Variants in PAWR observed in about 807,000 individuals in gnomAD.
The protein encoded by PAWR is PRKC apoptosis WT1 regulator protein.
Under a neutral mutation model 32.0 loss-of-function variants are expected in PAWR, and 23 were observed. That is an observed-to-expected ratio of 0.72 (90% CI 0.52 to 1.02). PAWR has a LOEUF of 1.02. Among genes scored for constraint, PAWR ranks in the 50% least tolerant of loss-of-function variants. The pLI, the probability that PAWR is intolerant of heterozygous loss-of-function variation, is 0.00. For missense variants in PAWR, 457 were observed against 437.7 expected (o/e 1.04, Z -0.39); for synonymous variants, 226 against 187.1 (o/e 1.21, Z -1.70).
intron 2 of PAWR, among the ~76,000 whole-genome samples, chr12:79,640,613 C>T (rs936560011): frequency 3.9e-5 from 6 of 152,064 alleles, no homozygotes; most frequent in Non-Finnish European, 5.9e-5. Context: ...TGGTGGTGTG[C>T]GCCTGTAGTC....
chr12:79,684,723 T>C (rs1476278040), intron 2 of PAWR, among the ~76,000 whole-genome samples: 1 of 152,228 alleles, frequency 6.6e-6, no homozygotes, highest in Non-Finnish European at 1.5e-5. Context: ...TATATATTCA[T>C]TTGTTCTCAA....
intron 2 of PAWR, among the ~76,000 whole-genome samples, chr12:79,655,869 G>C (rs1877068880): frequency 6.6e-6 from 1 of 152,184 alleles, no homozygotes; most frequent in Admixed American, 6.5e-5. Flanking sequence ...TCCTACCCTT[G>C]TGGGGTATAC....
At chr12:79,651,536 C>A (rs535047711) in intron 2 of PAWR, among the ~76,000 whole-genome samples, 2 of 152,230 alleles carry the variant, frequency 1.3e-5, no homozygotes, top group East Asian at 1.9e-4. Flanking sequence ...GATGATCAGG[C>A]TATTCCCCTA....
intron 2 of PAWR, among the ~76,000 whole-genome samples, chr12:79,669,757 G>A (rs1420432572): frequency 2.9e-4 from 44 of 151,686 alleles, no homozygotes; most frequent in Non-Finnish European, 1.0e-4. Flanking sequence ...TTTTAAGACA[G>A]TCTCTTGTTC....
rs1181267068 is a variant in PAWR at position 79,586,857 on chromosome 12, A to G, written c.*5750T>C. 6.6e-6 allele frequency: 1 copy of G among 152,198 alleles called. No individual in the cohort carries two copies. Among genetic ancestry groups the G allele is most frequent in the Non-Finnish European group, 1.5e-5 (1 of 67,998 alleles). The allele number at this position is 152,198 out of a possible 1,614,324, so 9.4% of individuals were successfully genotyped here. ...CTTGCTAGTGTCTATCTGGTTAGAC[A>G]TCAGAATAAAATGAATGGACTGTAA... On this transcript the variant is annotated 3_prime_UTR_variant, in exon 7 of 7. Transcript: ENST00000328827.
At chr12:79,659,364 T>C (rs1000328512) in intron 2 of PAWR, among the ~76,000 whole-genome samples, 1 of 152,188 alleles carries the variant, frequency 6.6e-6, no homozygotes, top group East Asian at 1.9e-4. Context: ...AGGGGCATTT[T>C]AGACATCGGG....
At chr12:79,597,896 A>T (rs1468440892) in intron 4 of PAWR, 1 of 152,168 alleles carries the variant, frequency 6.6e-6, no homozygotes, top group Non-Finnish European at 1.5e-5. Context: ...GGGGCTTCTC[A>T]TGAGTTTTTA....
chr12:79,621,127 A>T lies in PAWR; in HGVS notation c.597T>A (p.Ile199=), dbSNP rs2307223. The change falls in exon 3 of 7, where the codon ATT becomes ATA. Residue 199 remains isoleucine (I), a synonymous_variant. Transcript: ENST00000328827. ...CTAGTAAGTTTACAGCTTCATTCTG[A>T]ATAGTGTTCTGTTGTGTAATTGCAT... ...REDAITQQNT[I]QNEAVNLLDP... 1,220,632 of 1,607,414 alleles carry T rather than the reference A, an allele frequency of 0.76. 480,746 individuals carry two copies. The highest frequency in any genetic ancestry group is 0.82 in the Non-Finnish European group (963,899 of 1,175,004).
At chr12:79,602,211 T>C (rs1198018279) in intron 4 of PAWR, among the ~76,000 whole-genome samples, 1 of 152,186 alleles carries the variant, frequency 6.6e-6, no homozygotes, top group Non-Finnish European at 1.5e-5. Flanking sequence ...TATTACACAG[T>C]AGTAGCTTTT....
chr12:79,605,092 T>C (rs1249212340), intron 4 of PAWR, among the ~76,000 whole-genome samples: 1 of 152,186 alleles, frequency 6.6e-6, no homozygotes, highest in Non-Finnish European at 1.5e-5. Context: ...TTTTGTAATA[T>C]GTTCTCTCCT....
chr12:79,632,344 TATATATATATATATATA>T (rs1566011067), intron 2 of PAWR, among the ~76,000 whole-genome samples: 50 of 63,928 alleles, frequency 7.8e-4, no homozygotes, highest in South Asian at 1.8e-3. Context: ...TATATATATA[TATATATATATATATATA>T]TTTTTTTTTT....
intron 5 of PAWR, among the ~76,000 whole-genome samples, chr12:79,595,270 A>C (rs2136673554): frequency 6.6e-6 from 1 of 152,288 alleles, no homozygotes; most frequent in African/African-American, 2.4e-5. Context: ...TTTTCTTTAA[A>C]CAATGCAACA....
At chr12:79,626,765 G>C (rs999220008) in intron 2 of PAWR, among the ~76,000 whole-genome samples, 4 of 151,720 alleles carry the variant, frequency 2.6e-5, no homozygotes, top group African/African-American at 7.3e-5. Flanking sequence ...ACAGTCCCTG[G>C]TGTGTTATGT....
chr12:79,657,313 T>C (rs1877135286), intron 2 of PAWR, among the ~76,000 whole-genome samples: 1 of 151,932 alleles, frequency 6.6e-6, no homozygotes, highest in Non-Finnish European at 1.5e-5. Context: ...GGTGATGGAT[T>C]GTTCATTCAA....
At chr12:79,601,687 A>C (rs1164718615) in intron 4 of PAWR, among the ~76,000 whole-genome samples, 3 of 152,184 alleles carry the variant, frequency 2.0e-5, no homozygotes, top group African/African-American at 7.2e-5. Context: ...AATTTGTTTT[A>C]TTTATGGTAC....
intron 4 of PAWR, among the ~76,000 whole-genome samples, chr12:79,601,022 A>G (rs1873941170): frequency 6.6e-6 from 1 of 152,174 alleles, no homozygotes; most frequent in South Asian, 2.1e-4. Context: ...CAAACAGTTC[A>G]AGGACTACAC....
intron 2 of PAWR, among the ~76,000 whole-genome samples, chr12:79,683,128 C>T (rs1878522324): frequency 6.6e-6 from 1 of 152,152 alleles, no homozygotes; most frequent in African/African-American, 2.4e-5. Flanking sequence ...AAGTATGTGA[C>T]ATTACATAAA....
chr12:79,652,160 T>C (rs1328606145), intron 2 of PAWR, among the ~76,000 whole-genome samples: 1 of 152,134 alleles, frequency 6.6e-6, no homozygotes, highest in Non-Finnish European at 1.5e-5. Context: ...CTTCTGGAGA[T>C]GGATAATGGT....
Position 79,591,024 on chromosome 12 carries a change from T to A in PAWR, c.*1583A>T, listed in dbSNP as rs941634017. 1 of 152,210 alleles carries A rather than the reference T, an allele frequency of 6.6e-6. No homozygotes were observed. The highest frequency in any genetic ancestry group is 2.4e-5 in the African/African-American group (1 of 41,462). 9.4% of individuals were successfully genotyped at this position (152,210 alleles called of 1,614,324 possible). A position where few individuals can be genotyped will look rare whatever the true frequency, so the allele number is the denominator to read the frequency against. On this transcript the variant is annotated 3_prime_UTR_variant, in exon 7 of 7. Transcript: ENST00000328827. ...AATGGAATAAAGAAACAGCAGCAGC[T>A]GCTTCAAAAGTAGACTATGATCAGA... is the stretch of plus-strand genomic sequence containing the variant.
Sources: allele counts gnomAD v4.1 joint callset (sites outside exome capture counted in the v4.1 genomes callset), GRCh38; gene constraint gnomAD v4.1.1; transcripts MANE v1.5; gene names NCBI Gene and HGNC (gene_info 2026-07-23, HGNC 2026-07-21).